The following PROKR2 variants were observed in gnomAD, a reference collection of about 807,000 sequenced individuals.
The protein encoded by PROKR2 is prokineticin receptor 2.
In PROKR2, 26 loss-of-function variants were observed where a neutral mutation model predicts 23.4. The observed-to-expected ratio is 1.11, with a 90% CI of 0.81 to 1.54. PROKR2 has a LOEUF of 1.54. Ranked by LOEUF, PROKR2 falls within the 40% of genes most tolerant of loss-of-function variation. PROKR2 has a pLI of 0.00. For synonymous variants in PROKR2, 212 were observed against 201.2 expected (o/e 1.05, Z -0.45); for missense variants, 453 against 511.5 (o/e 0.89, Z 1.10).
intron 2 of PROKR2, among the ~76,000 whole-genome samples, chr20:5,303,260 A>C (rs1358023648): frequency 6.6e-6 from 1 of 152,190 alleles, no homozygotes; most frequent in Non-Finnish European, 1.5e-5. Context: ...AGGTGAAGGA[A>C]GGGCTTATGG....
chr20:5,314,547 G>A (rs575027603), intron 1 of PROKR2, among the ~76,000 whole-genome samples, 170 bp from the exon 2 acceptor site: 1 of 152,280 alleles, frequency 6.6e-6, no homozygotes, highest in South Asian at 2.1e-4. Context: ...AGAACATCTG[G>A]TCACATTCCC....
rs1324157232 is a variant in PROKR2 at position 5,314,047 on chromosome 20, G to A, written c.323C>T (p.Pro108Leu). 7.4e-6 allele frequency: 12 copies of A among 1,614,216 alleles called. No individual in the cohort carries two copies. The highest frequency in any genetic ancestry group is 1.0e-5 in the Non-Finnish European group (12 of 1,180,026). The change falls in exon 2 of 3, where the codon CCC becomes CTC. Residue 108 changes from proline (P) to leucine (L), a missense_variant. Pro to Leu is a moderately conservative substitution (Grantham distance 98). Coordinates refer to ENST00000678254, the MANE Select transcript of PROKR2 (RefSeq NM_144773.4). ...SDFLVAIICC[P>L]FEMDYYVVRQ... The stretch of plus-strand genomic sequence containing the variant: ...TACCACGTAGTAGTCCATCTCGAAG[G>A]GGCAGCAGATGATGGCCACCAGGAA...
At chr20:5,308,578 C>G (rs1238507200) in intron 2 of PROKR2, among the ~76,000 whole-genome samples, 1 of 152,214 alleles carries the variant, frequency 6.6e-6, no homozygotes. Flanking sequence ...GGGTAAATCT[C>G]TGTTCGGGGC....
chr20:5,307,041 C>A (rs567816425), intron 2 of PROKR2, among the ~76,000 whole-genome samples: 2 of 152,332 alleles, frequency 1.3e-5, no homozygotes, highest in South Asian at 4.1e-4. Flanking sequence ...ACCATCAAGA[C>A]ACCTGAAACC....
At chr20:5,315,635 C>G (rs776864439) in intron 1 of PROKR2, 2 of 348,598 alleles carry the variant, frequency 5.7e-6, no homozygotes, top group Non-Finnish European at 1.1e-5. Flanking sequence ...GGGAGGAGAA[C>G]GCCGAGGGAC....
In PROKR2 at chr20:5,316,365, A is replaced by G. The variant is rs1178959294; in HGVS notation, c.-9+129T>C. The G allele has an allele frequency of 8.8e-6, 4 of 456,532 alleles. No homozygotes were observed. The highest frequency in any genetic ancestry group is 6.0e-5 in the African/African-American group (3 of 50,072). The allele number at this position is 456,532 out of a possible 1,614,324, so 28.3% of individuals were successfully genotyped here. A position where few individuals can be genotyped will look rare whatever the true frequency, so the allele number is the denominator to read the frequency against. On this transcript the variant is annotated intron_variant, in intron 1 of 2. Transcript: ENST00000678254. This position sits in a 1 kb window ranked among gnomAD's most constrained non-coding sequence, Gnocchi z 5.0. Reference sequence around the variant, plus strand: ...CTGCTTGGAGCCAGCCCCGACGCATATCTCGAGAGTGGCGGGAGGCAAAGC... The same window carrying G: ...CTGCTTGGAGCCAGCCCCGACGCATGTCTCGAGAGTGGCGGGAGGCAAAGC...
At position 5,301,981 on chromosome 20, in the gene PROKR2, G is replaced by A; in HGVS notation, c.*59C>T. 1.4e-6 allele frequency: 2 copies of A among 1,481,432 alleles called. No homozygotes were observed. The highest frequency in any genetic ancestry group is 9.4e-7 in the Non-Finnish European group (1 of 1,069,328). 91.8% of individuals were successfully genotyped at this position (1,481,432 alleles called of 1,614,324 possible). A position where few individuals can be genotyped will look rare whatever the true frequency, so the allele number is the denominator to read the frequency against. ...TCCCATGCAGCCTATGAACTTGGTT[G>A]ATGGTGGGTGATGCTCTGAGTACTG... On this transcript the variant is annotated 3_prime_UTR_variant, in exon 3 of 3. Coordinates refer to ENST00000678254, the MANE Select transcript of PROKR2 (RefSeq NM_144773.4).
In PROKR2 at chr20:5,301,816, G is replaced by A. The variant is rs895598378; in HGVS notation, c.*224C>T. On this transcript the variant is annotated 3_prime_UTR_variant, in exon 3 of 3. Coordinates refer to ENST00000678254, the MANE Select transcript of PROKR2 (RefSeq NM_144773.4). Reference sequence around the variant, plus strand: ...CTCCTTGTGTCTAATCTCCTTGTTGGGATTGTGGACACAGTAGGTGTCGAG... The same window carrying A: ...CTCCTTGTGTCTAATCTCCTTGTTGAGATTGTGGACACAGTAGGTGTCGAG... Among the ~76,000 whole-genome samples the A allele has an allele frequency of 9.9e-5, 15 of 152,134 alleles. No homozygotes were observed. Among genetic ancestry groups the A allele is most frequent in the African/African-American group, 3.1e-4 (13 of 41,424 alleles).
intron 1 of PROKR2, among the ~76,000 whole-genome samples, chr20:5,315,235 G>GAATTCCATGCAA (rs1330572086): frequency 4.0e-5 from 6 of 150,190 alleles, no homozygotes; most frequent in Non-Finnish European, 9.0e-5. Flanking sequence ...ACCAGCTCCA[G>GAATTCCATGCAA]AAAGAAATCC....
Position 5,306,764 on chromosome 20 carries a change from A to G in PROKR2, c.459-4028T>C, listed in dbSNP as rs148390508. On this transcript the variant is annotated intron_variant, in intron 2 of 2. Coordinates refer to ENST00000678254, the MANE Select transcript of PROKR2 (RefSeq NM_144773.4). The stretch of plus-strand genomic sequence containing the variant: ...AGATAAACAACTGATGACAAAAACA[A>G]AAAAGGGGGAGAAATAGGGATTACA... Among the ~76,000 whole-genome samples, 7 of 152,328 alleles carry G rather than the reference A, an allele frequency of 4.6e-5. No individual in the cohort carries two copies. In the East Asian group the frequency reaches 1.3e-3, roughly 29 times the overall value.
At chr20:5,314,946 A>G (rs1600589644) in intron 1 of PROKR2, among the ~76,000 whole-genome samples, 1 of 152,174 alleles carries the variant, frequency 6.6e-6, no homozygotes. Flanking sequence ...TCTTCTCTCC[A>G]AAGCAGGACA....
At position 5,302,169 on chromosome 20, in the gene PROKR2, C is replaced by T. The variant is rs1979014760; in HGVS notation, c.1026G>A (p.Lys342=). The T allele has an allele frequency of 1.9e-6, 3 of 1,614,234 alleles. No homozygotes were observed. Among genetic ancestry groups the T allele is most frequent in the Non-Finnish European group, 2.5e-6 (3 of 1,180,052 alleles). ...CFVTVKNNTM[K]YFKKMMLLHW... is the part of the protein sequence containing the mutation. The stretch of plus-strand genomic sequence containing the variant: ...GCAGCAGCATCATCTTCTTGAAGTA[C>T]TTCATGGTGTTGTTCTTGACCGTCA... Residue 342 remains lysine (K), a synonymous_variant, in exon 3 of 3, where the codon AAG becomes AAA. Transcript: ENST00000678254.
At chr20:5,313,465 G>A (rs6085089) in intron 2 of PROKR2, among the ~76,000 whole-genome samples, 2,743 of 152,332 alleles carry the variant, frequency 0.018, 39 homozygotes, top group Non-Finnish European at 0.03. Context: ...TTGCCTGGTG[G>A]GGGAGGATTG....
intron 2 of PROKR2, among the ~76,000 whole-genome samples, chr20:5,305,025 T>TA (rs1485296828): frequency 6.6e-6 from 1 of 152,102 alleles, no homozygotes; most frequent in Non-Finnish European, 1.5e-5. Context: ...ATGGTCATAC[T>TA]AAAAAAGAAT....
In PROKR2 at chr20:5,316,277, T is replaced by G. The variant is rs1245912033; in HGVS notation, c.-9+217A>C. On this transcript the variant is annotated intron_variant, in intron 1 of 2. Coordinates refer to ENST00000678254, the MANE Select transcript of PROKR2 (RefSeq NM_144773.4). This position sits in a 1 kb window ranked among gnomAD's most constrained non-coding sequence, Gnocchi z 5.0. ...CTGCCCGCGCCCGCACACCACAGACTCCGCTTACCGTACCCTACCCGGTCC... is the reference window on the plus strand; with the variant it reads ...CTGCCCGCGCCCGCACACCACAGACGCCGCTTACCGTACCCTACCCGGTCC... The G allele has an allele frequency of 4.4e-6, 2 of 456,400 alleles. No individual in the cohort carries two copies. The highest frequency in any genetic ancestry group is 8.8e-6 in the Non-Finnish European group (2 of 226,940). 28.3% of individuals were successfully genotyped at this position (456,400 alleles called of 1,614,324 possible). A position where few individuals can be genotyped will look rare whatever the true frequency, so the allele number is the denominator to read the frequency against.
At chr20:5,312,137 G>A (rs537889535) in intron 2 of PROKR2, among the ~76,000 whole-genome samples, 3 of 152,176 alleles carry the variant, frequency 2.0e-5, no homozygotes, top group South Asian at 2.1e-4. Flanking sequence ...ACAGAGTTTC[G>A]CTCTTGTTAC....
intron 2 of PROKR2, among the ~76,000 whole-genome samples, chr20:5,307,270 G>A (rs187991238): frequency 6.6e-6 from 1 of 152,118 alleles, no homozygotes; most frequent in Non-Finnish European, 1.5e-5. Context: ...TAATTTAATG[G>A]TAGCTATGAT....
intron 1 of PROKR2, among the ~76,000 whole-genome samples, chr20:5,315,454 A>T (rs1452767701): frequency 6.6e-6 from 1 of 152,152 alleles, no homozygotes; most frequent in Non-Finnish European, 1.5e-5. Context: ...GGGCTGGAAA[A>T]AGAGCCCAGA....
intron 2 of PROKR2, among the ~76,000 whole-genome samples, chr20:5,312,676 A>G (rs1979487050): frequency 6.6e-6 from 1 of 152,226 alleles, no homozygotes; most frequent in African/African-American, 2.4e-5. Context: ...AACAGGGGAA[A>G]AATTTAAGAG....
Sources: gnomAD v4.1 joint callset for allele counts (sites outside exome capture counted in the v4.1 genomes callset) on GRCh38, gnomAD v4.1.1 for gene constraint, Gnocchi (gnomAD v3.1) non-coding constraint, MANE v1.5 for transcripts, NCBI Gene and HGNC (gene_info 2026-07-23, HGNC 2026-07-21) for gene names.